Variants in DNAH11 observed in about 807,000 individuals in gnomAD.
The protein encoded by DNAH11 is axonemal beta dynein heavy chain 11.
DNAH11 carries 442 observed loss-of-function variants against 526.0 expected under a neutral mutation model. The observed-to-expected ratio is 0.84, with a 90% CI of 0.78 to 0.91. The LOEUF is 0.91. DNAH11 is among the 40% of genes least tolerant of loss of function. DNAH11 has a pLI of 0.00. For synonymous variants in DNAH11, 2,461 were observed against 1,935.9 expected (o/e 1.27, Z -7.12); for missense variants, 6,989 against 5,448.7 (o/e 1.28, Z -8.90).
chr7:21,717,671 G>A, intron 42 of DNAH11, 104 bp from the exon 43 acceptor site: 3 of 1,356,020 alleles, frequency 2.2e-6, no homozygotes, highest in Non-Finnish European at 3.0e-6. Context: ...ACGTGTCCTT[G>A]AAGTGTTGCA....
Position 21,735,737 on chromosome 7 carries a change from G to C in DNAH11, c.7538G>C (p.Gly2513Ala). The change falls in exon 46 of 82, where the codon GGA becomes GCA. Residue 2513 changes from glycine to alanine, a missense_variant. Transcript: ENST00000409508. ...CCTCTAATGCTAGTAGGAAATGCAG[G>C]AGTGGGAAAAACAGTCTTTGTAGGT... is the stretch of plus-strand genomic sequence containing the variant. ...GKPLMLVGNA[G>A]VGKTVFVGDT... The C allele has an allele frequency of 6.2e-7, 1 of 1,613,974 alleles. No homozygotes were observed. Among genetic ancestry groups the C allele is most frequent in the Non-Finnish European group, 8.5e-7 (1 of 1,179,878 alleles).
rs530406993 is a variant in DNAH11, at chr7:21,591,373, C to T, written c.2463C>T (p.Ser821=). 6.2e-5 allele frequency: 100 copies of T among 1,613,852 alleles called. No homozygotes were observed. The highest frequency in any genetic ancestry group is 3.7e-4 in the Admixed American group (22 of 60,012). Reference sequence around the variant, plus strand: ...TCGAGAGGGTGAGGGCAGCCACGTCCGAGTTGGAGCACAGAGTTGAGCGCA... The same window carrying T: ...TCGAGAGGGTGAGGGCAGCCACGTCTGAGTTGGAGCACAGAGTTGAGCGCA... The part of the protein sequence containing the change: ...GYIERVRAAT[S]ELEHRVERTQ... The change falls in exon 14 of 82, where the codon TCC becomes TCT. Residue 821 remains serine, a synonymous_variant. Transcript: ENST00000409508.
Position 21,828,760 on chromosome 7 carries a change from G to GTT in DNAH11, c.10691+10435_10691+10436dup, listed in dbSNP as rs370526200. On this transcript the variant is annotated intron_variant, in intron 65 of 81. Coordinates refer to ENST00000409508, the MANE Select transcript of DNAH11 (RefSeq NM_001277115.2). ...TGACTTTTTTTTTTCATTTTTCTGG[G>GTT]TTTTTTTTTTTTTTTGCTGTACAAT... is the stretch of plus-strand genomic sequence containing the variant. 3.9e-3 allele frequency among the ~76,000 whole-genome samples: 509 copies of GTT among 131,742 alleles called. 6 individuals are homozygous for GTT. The highest frequency in any genetic ancestry group is 0.025 in the South Asian group (103 of 4,134). The allele number at this position is 131,742 out of a possible 152,430, so 86.4% of individuals were successfully genotyped here.
At chr7:21,793,809 C>T (rs1193838074) in intron 61 of DNAH11, among the ~76,000 whole-genome samples, 9 of 152,286 alleles carry the variant, frequency 5.9e-5, no homozygotes, top group Admixed American at 3.3e-4. Context: ...AGTCTATCCA[C>T]TTAGATCTAT....
At chr7:21,876,713 A>G (rs945648327) in intron 74 of DNAH11, among the ~76,000 whole-genome samples, 2 of 152,232 alleles carry the variant, frequency 1.3e-5, no homozygotes, top group African/African-American at 4.8e-5. Flanking sequence ...TGCAGCCCCC[A>G]TATCCACATT....
At chr7:21,808,113 C>A (rs1789353368) in intron 63 of DNAH11, 64 bp downstream of exon 63, 12 of 1,286,300 alleles carry the variant, frequency 9.3e-6, no homozygotes, top group Non-Finnish European at 1.2e-5. Context: ...AGTAGTAAAA[C>A]CCACATATAT....
chr7:21,775,627 AC>A (rs1340210406), intron 56 of DNAH11, among the ~76,000 whole-genome samples: 69 of 145,728 alleles, frequency 4.7e-4, no homozygotes, highest in African/African-American at 1.6e-3. Flanking sequence ...AAAAAAAAAA[AC>A]AAGTCTGTCT....
chr7:21,809,990 A>C (rs1789439972), intron 63 of DNAH11, among the ~76,000 whole-genome samples: 1 of 152,232 alleles, frequency 6.6e-6, no homozygotes, highest in Non-Finnish European at 1.5e-5. Context: ...TGCTTTAAAC[A>C]GAAGTGATAA....
chr7:21,783,010 AT>A (rs34330251), intron 57 of DNAH11, among the ~76,000 whole-genome samples: 74,450 of 151,798 alleles, frequency 0.49, 18,505 homozygotes, highest in East Asian at 0.54. Context: ...ATTTAAAATG[AT>A]TTTTTTAATG....
intron 52 of DNAH11, 100 bp downstream of exon 52, chr7:21,748,842 C>A: frequency 3.1e-6 from 4 of 1,282,152 alleles, no homozygotes; most frequent in Non-Finnish European, 4.2e-6. Context: ...CAGATTTGGC[C>A]AAGGCCTCCC....
At position 21,787,532 on chromosome 7, in the gene DNAH11, T is replaced by A; in HGVS notation, c.9873T>A (p.Phe3291Leu). Residue 3291 changes from phenylalanine (F) to leucine (L), a missense_variant, in exon 60 of 82, where the codon TTT becomes TTA. Physicochemically the swap from Phe to Leu is conservative, Grantham distance 22. Transcript: ENST00000409508. The stretch of plus-strand genomic sequence containing the variant: ...CAAACCTGATTCGAACCAAATCTTT[T>A]GCAGCAGCTGGCCTGTGTGCCTGGG... ...FNPNLIRTKS[F>L]AAAGLCAWVI... 2 of 1,613,610 alleles carry A rather than the reference T, an allele frequency of 1.2e-6. No homozygotes were observed. The highest frequency in any genetic ancestry group is 1.7e-6 in the Non-Finnish European group (2 of 1,179,694).
At chr7:21,801,401 C>G in intron 62 of DNAH11, 126 bp downstream of exon 62, 1 of 1,297,426 alleles carries the variant, frequency 7.7e-7, no homozygotes, top group Non-Finnish European at 1.1e-6. Flanking sequence ...ATTTGATAAT[C>G]ACTCATCCTG....
At position 21,818,281 on chromosome 7, in the gene DNAH11, G is replaced by A. The variant is rs1213864182; in HGVS notation, c.10633G>A (p.Glu3545Lys). The A allele has an allele frequency of 8.1e-6, 13 of 1,611,974 alleles. No individual in the cohort carries two copies. In the Admixed American group the frequency reaches 2.2e-4, roughly 27 times the overall value. ...GDVILIENLEETIDPVLDPLL... is the reference protein window; with the variant it reads ...GDVILIENLEKTIDPVLDPLL... The stretch of plus-strand genomic sequence containing the variant: ...TGTCATCTTAATTGAAAATCTCGAG[G>A]AAACGATAGATCCAGTCCTGGATCC... The change falls in exon 65 of 82, where the codon GAA (glutamate) becomes AAA (lysine). Residue 3545 changes from glutamate (E) to lysine (K), a missense_variant. By Grantham distance (56) the Glu-to-Lys change is moderately conservative. Transcript: ENST00000409508.
intron 66 of DNAH11, 68 bp downstream of exon 66, chr7:21,842,816 A>G (rs1192076046): frequency 2.0e-5 from 27 of 1,334,342 alleles, no homozygotes; most frequent in Non-Finnish European, 2.5e-5. Context: ...AGTGCTAGAC[A>G]TAGAAGTATA....
rs10950874 is a variant in DNAH11, at chr7:21,786,302, A to G, written c.9598-322A>G. On this transcript the variant is annotated intron_variant, in intron 58 of 81. Coordinates refer to ENST00000409508, the MANE Select transcript of DNAH11 (RefSeq NM_001277115.2). The stretch of plus-strand genomic sequence containing the variant: ...TATAAATATCTTACAACATATACAC[A>G]TGTGTGTGTGTGTGTGTGTGTGTGT... 0.38 allele frequency among the ~76,000 whole-genome samples: 56,845 copies of G among 150,900 alleles called. 11,923 individuals carry two copies. The highest frequency in any genetic ancestry group is 0.48 in the Non-Finnish European group (32,562 of 67,766).
chr7:21,779,108 A>G lies in DNAH11; in HGVS notation c.9483+4A>G. On this transcript the variant is annotated splice_donor_region_variant and intron_variant, in intron 57 of 81. Transcript: ENST00000409508. ...CGCTGATGCTGAGGAGCGAAAGGTC[A>G]GGCTAATTCCAACATTTAGAGTGCG... 1 of 1,610,490 alleles carries G rather than the reference A, an allele frequency of 6.2e-7. No individual in the cohort carries two copies. The highest frequency in any genetic ancestry group is 8.5e-7 in the Non-Finnish European group (1 of 1,177,302).
chr7:21,669,036 T>C (rs1182036782), intron 30 of DNAH11, among the ~76,000 whole-genome samples: 1 of 152,190 alleles, frequency 6.6e-6, no homozygotes, highest in African/African-American at 2.4e-5. Flanking sequence ...AAATAGTATA[T>C]CATTGTGATT....
chr7:21,711,884 T>G, intron 42 of DNAH11, 24 bp downstream of exon 42: 1 of 1,576,452 alleles, frequency 6.3e-7, no homozygotes, highest in Non-Finnish European at 8.6e-7. Context: ...TTTGTTTTAT[T>G]GTAGTAAATT....
intron 30 of DNAH11, among the ~76,000 whole-genome samples, chr7:21,676,868 C>T (rs1190171277): frequency 6.6e-6 from 1 of 152,180 alleles, no homozygotes; most frequent in Non-Finnish European, 1.5e-5. Context: ...TATCTCTTTT[C>T]TCACTAAAGT....
Sources: gnomAD v4.1 joint callset for allele counts (sites outside exome capture counted in the v4.1 genomes callset) on GRCh38, gnomAD v4.1.1 for gene constraint, MANE v1.5 for transcripts, NCBI Gene and HGNC (gene_info 2026-07-23, HGNC 2026-07-21) for gene names.